The following APOOL variants were observed in gnomAD, a reference collection of about 807,000 sequenced individuals.
APOOL encodes the protein MICOS complex subunit MIC27.
A neutral mutation model predicts 23.1 loss-of-function variants in APOOL; 12 were observed. The observed-to-expected ratio is 0.52, with a 90% CI of 0.33 to 0.84. The LOEUF is 0.84. APOOL is among the 40% of genes least tolerant of loss of function. APOOL has a pLI of 0.02. For missense variants in APOOL, 212 were observed against 199.6 expected (o/e 1.06, Z -0.37); for synonymous variants, 77 against 69.9 (o/e 1.10, Z -0.51).
chrX:85,022,345 C>G (rs1336233197), intron 1 of APOOL, among the ~76,000 whole-genome samples: 1 of 112,085 alleles, frequency 8.9e-6, no homozygotes, highest in Non-Finnish European at 1.9e-5. Context: ...CAACAAAATA[C>G]TAGTAAACTG....
intron 2 of APOOL, among the ~76,000 whole-genome samples, chrX:85,049,069 A>G (rs1432571508): frequency 9.0e-6 from 1 of 111,434 alleles, no homozygotes; most frequent in Non-Finnish European, 1.9e-5. Context: ...GCTTGTTGTC[A>G]CTGAGAAATA....
At chrX:85,019,189 T>C (rs1191250877) in intron 1 of APOOL, among the ~76,000 whole-genome samples, 1 of 112,065 alleles carries the variant, frequency 8.9e-6, no homozygotes, top group Non-Finnish European at 1.9e-5. Context: ...CTGCTATGGT[T>C]TGAATGTGGG....
intron 1 of APOOL, among the ~76,000 whole-genome samples, chrX:85,031,946 A>C (rs1304993881): frequency 2.7e-5 from 3 of 111,919 alleles, no homozygotes; most frequent in Non-Finnish European, 5.6e-5. Flanking sequence ...TCAAGTAAAT[A>C]GAATGCTCTC....
intron 1 of APOOL, among the ~76,000 whole-genome samples, chrX:85,027,742 G>C (rs187396553): frequency 7.2e-5 from 8 of 111,873 alleles, no homozygotes; most frequent in African/African-American, 2.6e-4. Flanking sequence ...TGCCTCCCAC[G>C]CTTCTTACCA....
rs749657089 is a variant in APOOL at position 85,081,708 on chromosome X, C to G, written c.719-5882C>G. Among the ~76,000 whole-genome samples, 4 of 111,762 alleles carry G rather than the reference C, an allele frequency of 3.6e-5. No homozygotes were observed. The South Asian group carries it at 1.5e-3, about 42-fold the overall frequency. On this transcript the variant is annotated intron_variant, in intron 8 of 8. Coordinates refer to ENST00000373173, the MANE Select transcript of APOOL (RefSeq NM_198450.6). ...TTTTCCAACTTGGTTCCATTCTCCC[C>G]GTCACTTTCAGGTACACCCATCAAA...
At chrX:85,023,823 A>G (rs1269485068) in intron 1 of APOOL, among the ~76,000 whole-genome samples, 4 of 112,098 alleles carry the variant, frequency 3.6e-5, no homozygotes, top group South Asian at 3.7e-4. Flanking sequence ...TTTCTCTAAG[A>G]TAATTTCTAT....
chrX:85,060,733 A>T (rs1054291916), intron 5 of APOOL, among the ~76,000 whole-genome samples: 5 of 111,630 alleles, frequency 4.5e-5, no homozygotes, highest in African/African-American at 1.6e-4. Context: ...TGATTTTTCT[A>T]TCCTGAGACT....
intron 5 of APOOL, among the ~76,000 whole-genome samples, chrX:85,063,308 A>G (rs1236935054): frequency 1.8e-5 from 2 of 111,678 alleles, no homozygotes; most frequent in Non-Finnish European, 3.8e-5. Context: ...TCATCGGCAA[A>G]CAAAGACTAT....
intron 1 of APOOL, among the ~76,000 whole-genome samples, chrX:85,042,000 A>G (rs1044880343): frequency 9.0e-6 from 1 of 111,367 alleles, no homozygotes; most frequent in Non-Finnish European, 1.9e-5. Flanking sequence ...AGAGCAGCAT[A>G]CACTGGCTGC....
intron 8 of APOOL, among the ~76,000 whole-genome samples, chrX:85,079,080 A>C (rs891090036): frequency 1.8e-5 from 2 of 111,085 alleles, no homozygotes; most frequent in Non-Finnish European, 3.8e-5. Context: ...AATACCCTTT[A>C]TTTCTTTCTC....
rs983582649 is a variant in APOOL at position 85,078,999 on chromosome X, A to T, written c.718+4608A>T. Among the ~76,000 whole-genome samples, 138 of 111,489 alleles carry T rather than the reference A, an allele frequency of 1.2e-3. 2 individuals carry two copies. Among genetic ancestry groups the T allele is most frequent in the African/African-American group, 4.4e-3 (135 of 30,691 alleles). On this transcript the variant is annotated intron_variant, in intron 8 of 8. Coordinates refer to ENST00000373173, the MANE Select transcript of APOOL (RefSeq NM_198450.6). ...CTTAAGGAGATTTTGGGCCGAGACG[A>T]TGGGGTTTTCTAAATATACAATCAT...
chrX:85,031,142 A>G (rs1409751448), intron 1 of APOOL, among the ~76,000 whole-genome samples: 5 of 111,834 alleles, frequency 4.5e-5, no homozygotes, highest in African/African-American at 1.3e-4. Flanking sequence ...TGTTGAGCTA[A>G]GATAGTTAAT....
At chrX:85,004,082 A>G (rs1467900748) in intron 1 of APOOL, among the ~76,000 whole-genome samples, 155 bp downstream of exon 1, 1 of 111,354 alleles carries the variant, frequency 9.0e-6, no homozygotes, top group Non-Finnish European at 1.9e-5. Flanking sequence ...TTGAAGCCTC[A>G]AGACACCTGC....
intron 1 of APOOL, among the ~76,000 whole-genome samples, chrX:85,010,612 C>A (rs1009611400): frequency 9.0e-6 from 1 of 111,678 alleles, no homozygotes; most frequent in Admixed American, 9.5e-5. Flanking sequence ...GTTTTCAATA[C>A]CTGAGTTACT....
chrX:85,036,788 G>A (rs895633682), intron 1 of APOOL, among the ~76,000 whole-genome samples: 2 of 110,765 alleles, frequency 1.8e-5, no homozygotes, highest in Non-Finnish European at 3.8e-5. Context: ...GAGATTTGGT[G>A]TACACGTCAC....
At chrX:85,003,961 G>A in intron 1 of APOOL, 34 bp downstream of exon 1, 1 of 1,208,804 alleles carries the variant, frequency 8.3e-7, no homozygotes, top group Non-Finnish European at 1.1e-6. Context: ...ATTTCTGTGG[G>A]TGCCGATAGC....
chrX:85,006,624 A>T (rs1921089145), intron 1 of APOOL, among the ~76,000 whole-genome samples: 1 of 111,275 alleles, frequency 9.0e-6, no homozygotes, highest in African/African-American at 3.3e-5. Context: ...GACAAGGGAA[A>T]ATGTACCAGG....
chrX:85,032,810 G>A (rs1380049282), intron 1 of APOOL, among the ~76,000 whole-genome samples: 1 of 111,759 alleles, frequency 8.9e-6, no homozygotes, highest in Middle Eastern at 4.2e-3. Flanking sequence ...CTTATTTGTT[G>A]TAGGAAACTT....
chrX:85,036,594 G>A (rs1034374561), intron 1 of APOOL, among the ~76,000 whole-genome samples: 3 of 111,874 alleles, frequency 2.7e-5, no homozygotes, highest in Non-Finnish European at 5.6e-5. Flanking sequence ...TTAGATGTTG[G>A]CTATGAGTTT....
Sources: allele counts gnomAD v4.1 joint callset (sites outside exome capture counted in the v4.1 genomes callset), GRCh38; gene constraint gnomAD v4.1.1; transcripts MANE v1.5; gene names NCBI Gene and HGNC (gene_info 2026-07-23, HGNC 2026-07-21).